RHCE: variants seen among roughly 807,000 people sequenced by gnomAD.
RHCE encodes the protein Rh blood group CcEe antigens, also known as blood group Rh(CE) polypeptide.
Under a neutral mutation model 43.8 loss-of-function variants are expected in RHCE, and 22 were observed. The observed-to-expected ratio is 0.50, with a 90% CI of 0.36 to 0.72. The LOEUF (loss-of-function observed/expected upper bound fraction) is 0.72. RHCE is among the 30% of genes least tolerant of loss of function. The pLI is 0.00. For missense variants in RHCE, 385 were observed against 525.4 expected, an observed-to-expected ratio of 0.73 and a Z score of 2.61; for synonymous variants, 156 against 210.7, an observed-to-expected ratio of 0.74 and a Z score of 2.25.
intron 8 of RHCE, 145 bp from the exon 9 acceptor site, chr1:25,370,685 C>T (rs112439588): frequency 7.2e-5 from 49 of 676,814 alleles, no homozygotes; most frequent in Middle Eastern, 3.3e-4. Flanking sequence ...AATAAATGGA[C>T]GCCCTGTCAT....
At position 25,399,034 on chromosome 1, in the gene RHCE, G is replaced by A. The variant is rs1355042236; in HGVS notation, c.486+3562C>T. The A allele has an allele frequency of 1.3e-5, 20 of 1,581,624 alleles. 1 individual carries two copies. Among genetic ancestry groups the A allele is most frequent in the Middle Eastern group, 2.2e-4 (1 of 4,474 alleles). ...GCAGCCCTCACTCTTCATGGTCACT[G>A]GGGCCTTGGACAAGTTGTTACTGAC... On this transcript the variant is annotated intron_variant, in intron 3 of 9. Coordinates refer to ENST00000294413, the MANE Select transcript of RHCE (RefSeq NM_020485.8).
chr1:25,428,450 T>C lies in RHCE; in HGVS notation c.-40+503A>G, dbSNP rs72887431. The stretch of plus-strand genomic sequence containing the variant: ...TGCTCCACACATAGCATTCTGTTCA[T>C]ATCCTTTCTCAATGATGGGCAGGCC... On this transcript the variant is annotated intron_variant, in intron 2 of 11. Transcript: ENST00000349320. Among the ~76,000 whole-genome samples the C allele has an allele frequency of 5.1e-3, 775 of 152,368 alleles. 5 individuals are homozygous for C. Among genetic ancestry groups the C allele is most frequent in the African/African-American group, 0.018 (739 of 41,590 alleles).
chr1:25,392,191 G>A (rs1233126081), intron 3 of RHCE, 50 bp from the exon 4 acceptor site: 1 of 1,613,530 alleles, frequency 6.2e-7, no homozygotes, highest in Non-Finnish European at 8.5e-7. Flanking sequence ...CTCTGCCCAG[G>A]GGAAAGCCCT....
In RHCE at chr1:25,362,352, C is replaced by G; in HGVS notation, c.*175G>C. ...TTATTTTAAACTTATTAAATTGACT[C>G]TTAAACTAAGTTTTTAGTCTTTAAT... On this transcript the variant is annotated 3_prime_UTR_variant, in exon 10 of 10. Coordinates refer to ENST00000294413, the MANE Select transcript of RHCE (RefSeq NM_020485.8). The G allele has an allele frequency of 2.1e-6, 3 of 1,433,874 alleles. No homozygotes were observed. The highest frequency in any genetic ancestry group is 2.5e-5 in the East Asian group (1 of 40,676). The allele number at this position is 1,433,874 out of a possible 1,614,324, so 88.8% of individuals were successfully genotyped here.
chr1:25,400,128 A>G (rs1392870112), intron 3 of RHCE, among the ~76,000 whole-genome samples: 1 of 151,992 alleles, frequency 6.6e-6, no homozygotes, highest in African/African-American at 2.4e-5. Context: ...GTATCATCAG[A>G]TTTTTCCTCT....
intron 1 of RHCE, among the ~76,000 whole-genome samples, chr1:25,409,320 A>C (rs1324110498): frequency 1.6e-5 from 2 of 124,324 alleles, no homozygotes; most frequent in African/African-American, 5.0e-5. Flanking sequence ...TTGTCCCAGG[A>C]CACACAGAAA....
At chr1:25,371,932 C>T (rs1298900796) in intron 8 of RHCE, among the ~76,000 whole-genome samples, 1 of 148,750 alleles carries the variant, frequency 6.7e-6, no homozygotes, top group African/African-American at 2.6e-5. Flanking sequence ...ATGCAGGGTA[C>T]AACCAGCATG....
chr1:25,379,470 TATATATATATATATATATATATATA>T (rs1557604844), intron 7 of RHCE, among the ~76,000 whole-genome samples: 6 of 6,462 alleles, frequency 9.3e-4, no homozygotes, highest in African/African-American at 3.1e-3. Flanking sequence ...TATATATATA[TATATATATATATATATATATATATA>T]TTTTTTTTTT....
intron 1 of RHCE, among the ~76,000 whole-genome samples, chr1:25,414,529 G>A (rs1241071448): frequency 1.7e-4 from 26 of 152,042 alleles, no homozygotes; most frequent in Admixed American, 1.7e-3. Flanking sequence ...TTTCCCAAAG[G>A]GGCAGACCAA....
rs1645420832 is a variant in RHCE at position 25,362,283 on chromosome 1, A to G, written c.*244T>C. ...CCCAAAACTTTAATAATGTGTCTGT[A>G]ACCAAGAAAATATTGATAGCATCAT... On this transcript the variant is annotated 3_prime_UTR_variant, in exon 10 of 10. Transcript: ENST00000294413. 2 of 854,374 alleles carry G rather than the reference A, an allele frequency of 2.3e-6. No individual in the cohort carries two copies. Among genetic ancestry groups the G allele is most frequent in the Non-Finnish European group, 1.8e-6 (1 of 561,386 alleles). 52.9% of individuals were successfully genotyped at this position (854,374 alleles called of 1,614,324 possible).
intron 2 of RHCE, among the ~76,000 whole-genome samples, chr1:25,403,351 T>C (rs1302756932): frequency 6.6e-6 from 1 of 151,870 alleles, no homozygotes; most frequent in Non-Finnish European, 1.5e-5. Flanking sequence ...ACGTATCCCA[T>C]GTTGGTGTCC....
At chr1:25,400,111 C>T (rs1646685882) in intron 3 of RHCE, among the ~76,000 whole-genome samples, 1 of 152,154 alleles carries the variant, frequency 6.6e-6, no homozygotes, top group Non-Finnish European at 1.5e-5. Flanking sequence ...CAGTTCATCT[C>T]TCTTCTGTAT....
intron 2 of RHCE, among the ~76,000 whole-genome samples, chr1:25,405,034 CAAAA>C (rs59693967): frequency 1.3e-5 from 1 of 76,904 alleles, no homozygotes. Context: ...CTACAAAAAG[CAAAA>C]AAAAAAAAAA....
intron 3 of RHCE, among the ~76,000 whole-genome samples, chr1:25,393,591 A>G (rs1238612519): frequency 6.6e-6 from 1 of 152,088 alleles, no homozygotes; most frequent in Non-Finnish European, 1.5e-5. Flanking sequence ...ACTGCACTCC[A>G]GCTTCGGCGA....
rs1647019440 is a variant in RHCE, at chr1:25,409,868, T to C, written c.149-999A>G. ...AAAACCAAGGCACAGAGGCGTTATG[T>C]AACTTGCCCCGGTGGGTAGAGCTAA... is the stretch of plus-strand genomic sequence containing the variant. On this transcript the variant is annotated intron_variant, in intron 1 of 9. Transcript: ENST00000294413. 2.0e-5 allele frequency among the ~76,000 whole-genome samples: 3 copies of C among 151,978 alleles called. No individual in the cohort carries two copies. The South Asian group carries it at 6.3e-4, about 32-fold the overall frequency.
chr1:25,386,403 C>A (rs1646161778), intron 6 of RHCE, among the ~76,000 whole-genome samples: 1 of 152,222 alleles, frequency 6.6e-6, no homozygotes, highest in African/African-American at 2.4e-5. Flanking sequence ...ACCTCTAGAT[C>A]CCTACTCAGT....
At chr1:25,383,186 T>G (rs1214670814) in intron 7 of RHCE, among the ~76,000 whole-genome samples, 1 of 152,230 alleles carries the variant, frequency 6.6e-6, no homozygotes, top group Non-Finnish European at 1.5e-5. Context: ...GCCATTTCAG[T>G]GTGCCTTCCC....
At position 25,402,736 on chromosome 1, in the gene RHCE, C is replaced by T; in HGVS notation, c.346G>A (p.Ala116Thr). ...AGCACCGACATAGCACTCATGGTGG[C>T]CAGCCGAATACTGGGGGTGAGAAGG... ...VVITLFSIRL[A>T]TMSAMSVLIS... The change falls in exon 3 of 10, where the codon GCC becomes ACC. Residue 116 changes from alanine (A) to threonine (T), a missense_variant. By Grantham distance (58) the Ala-to-Thr change is moderately conservative (BLOSUM62 0). This residue lies in a region of RHCE where 110 missense variants were observed against 192.1 expected (regional missense o/e 0.57). Transcript: ENST00000294413. 6.2e-7 allele frequency: 1 copy of T among 1,614,162 alleles called. No homozygotes were observed. The highest frequency in any genetic ancestry group is 8.5e-7 in the Non-Finnish European group (1 of 1,180,034).
chr1:25,372,318 G>A (rs1645634597), intron 8 of RHCE, among the ~76,000 whole-genome samples: 1 of 151,376 alleles, frequency 6.6e-6, no homozygotes, highest in South Asian at 2.1e-4. Context: ...TCAGGAGTTC[G>A]AGACCAGCAT....
Sources: allele counts gnomAD v4.1 joint callset (sites outside exome capture counted in the v4.1 genomes callset), GRCh38; gene constraint gnomAD v4.1.1; regional missense constraint gnomAD v4.1.1; transcripts MANE v1.5; gene names NCBI Gene and HGNC (gene_info 2026-07-23, HGNC 2026-07-21).